Variants in FBXO10 observed in about 807,000 individuals in gnomAD.
The protein encoded by FBXO10 is F-box protein 10, also known as F-box only protein 10.
Under a neutral mutation model 80.7 loss-of-function variants are expected in FBXO10, and 39 were observed. That is an observed-to-expected ratio of 0.48 (90% CI 0.37 to 0.63). The LOEUF (loss-of-function observed/expected upper bound fraction) is 0.63. Among genes scored for constraint, FBXO10 ranks in the 30% least tolerant of loss-of-function variants. FBXO10 has a pLI of 0.00. For missense variants in FBXO10, 1,025 were observed against 1,269.0 expected (o/e 0.81, Z 2.92); for synonymous variants, 449 against 489.6 (o/e 0.92, Z 1.09).
At chr9:37,573,091 T>C (rs920000873) in intron 1 of FBXO10, among the ~76,000 whole-genome samples, 1 of 152,154 alleles carries the variant, frequency 6.6e-6, no homozygotes, top group Non-Finnish European at 1.5e-5. Context: ...TGTTGAAGGC[T>C]GTCATTCCTG....
chr9:37,517,419 G>T (rs1315685381), intron 9 of FBXO10, among the ~76,000 whole-genome samples: 1 of 152,180 alleles, frequency 6.6e-6, no homozygotes, highest in Admixed American at 6.5e-5. Context: ...AACAAGATCT[G>T]TTTGGCTCCA....
intron 5 of FBXO10, 37 bp from the exon 6 acceptor site, chr9:37,525,209 C>T: frequency 1.3e-6 from 2 of 1,539,596 alleles, no homozygotes; most frequent in Non-Finnish European, 1.8e-6. Flanking sequence ...GAGGTGAGCC[C>T]AGGGCATCAA....
At chr9:37,522,749 C>G in intron 7 of FBXO10, 76 bp downstream of exon 7, 4 of 1,500,866 alleles carry the variant, frequency 2.7e-6, no homozygotes, top group Non-Finnish European at 3.6e-6. Flanking sequence ...AGGCAGTGAC[C>G]TTCTCAGGAC....
In FBXO10 at chr9:37,537,507, C is replaced by A. The variant is rs766293251; in HGVS notation, c.1022G>T (p.Gly341Val). Residue 341 changes from glycine (G) to valine (V), a missense_variant, in exon 3 of 11, where the codon GGT becomes GTT. By Grantham distance (109) the Gly-to-Val change is moderately radical. Transcript: ENST00000432825. ...CTGGGCCACCCTTTCACCATCACTA[C>A]CCACCTCTGCCTCCTGTGAGCCAGC... The part of the protein sequence containing the change: ...SKAGSQEAEV[G>V]SDGERVAQTP... The A allele has an allele frequency of 6.2e-7, 1 of 1,611,872 alleles. No homozygotes were observed. Among genetic ancestry groups the A allele is most frequent in the East Asian group, 2.2e-5 (1 of 44,846 alleles).
At chr9:37,523,098 C>T in intron 6 of FBXO10, 121 bp from the exon 7 acceptor site, 1 of 1,051,422 alleles carries the variant, frequency 9.5e-7, no homozygotes, top group Non-Finnish European at 1.4e-6. Context: ...CTTACCCTGC[C>T]AGCAATTAGC....
intron 2 of FBXO10, among the ~76,000 whole-genome samples, chr9:37,540,188 T>A (rs1246599021): frequency 3.3e-5 from 5 of 151,340 alleles, no homozygotes; most frequent in Non-Finnish European, 1.5e-5. Flanking sequence ...ATCATATATA[T>A]ATGATTTTTT....
intron 3 of FBXO10, 57 bp from the exon 4 acceptor site, chr9:37,532,115 C>T: frequency 6.5e-7 from 1 of 1,539,140 alleles, no homozygotes; most frequent in Admixed American, 1.9e-5. Context: ...TTTTAGAAAC[C>T]ACTGGAGGAA....
At chr9:37,520,443 C>T (rs10758437) in intron 8 of FBXO10, among the ~76,000 whole-genome samples, 82,048 of 148,792 alleles carry the variant, frequency 0.55, 24,792 homozygotes, top group Middle Eastern at 0.71. Context: ...CAAGCGATCC[C>T]CCCGCCTCCT....
At chr9:37,513,527 C>A (rs1271502582) in intron 10 of FBXO10, among the ~76,000 whole-genome samples, 2 of 152,108 alleles carry the variant, frequency 1.3e-5, no homozygotes, top group Non-Finnish European at 2.9e-5. Context: ...AGAAGCCAGA[C>A]TCAAAAGACT....
At chr9:37,562,081 TGGAA>T (rs1007450388) in intron 1 of FBXO10, among the ~76,000 whole-genome samples, 4 of 152,186 alleles carry the variant, frequency 2.6e-5, no homozygotes, top group Admixed American at 2.6e-4. Flanking sequence ...TGTGAGGCAC[TGGAA>T]GGAAGGCTGC....
chr9:37,560,104 AAG>A (rs1206407152), intron 1 of FBXO10, among the ~76,000 whole-genome samples: 1 of 152,198 alleles, frequency 6.6e-6, no homozygotes, highest in African/African-American at 2.4e-5. Flanking sequence ...ATGCCAGACT[AAG>A]AAGCTTGTAC....
At chr9:37,526,642 G>T (rs1247653095) in intron 5 of FBXO10, among the ~76,000 whole-genome samples, 1 of 151,878 alleles carries the variant, frequency 6.6e-6, no homozygotes, top group African/African-American at 2.4e-5. Flanking sequence ...GGTTTCACAG[G>T]GCTAAAATCA....
rs1262409689 is a variant in FBXO10, at chr9:37,512,014, T to C, written c.*533A>G. 1 of 152,686 alleles carries C rather than the reference T, an allele frequency of 6.5e-6. No individual in the cohort carries two copies. Among genetic ancestry groups the C allele is most frequent in the Non-Finnish European group, 1.5e-5 (1 of 68,464 alleles). 9.5% of individuals were successfully genotyped at this position (152,686 alleles called of 1,614,324 possible). A position where few individuals can be genotyped will look rare whatever the true frequency, so the allele number is the denominator to read the frequency against. The stretch of plus-strand genomic sequence containing the variant: ...AGGTCCTTCCTTCCTCCCAGGTCCA[T>C]GTCCAAGTCCTCAAGTCAACCAAAC... On this transcript the variant is annotated 3_prime_UTR_variant, in exon 11 of 11. Transcript: ENST00000432825.
At chr9:37,526,008 C>T (rs1358496105) in intron 5 of FBXO10, among the ~76,000 whole-genome samples, 2 of 152,098 alleles carry the variant, frequency 1.3e-5, no homozygotes, top group Non-Finnish European at 2.9e-5. Flanking sequence ...GCATGAGTAA[C>T]TGAGCCCTGG....
chr9:37,546,186 G>C (rs558034874), intron 1 of FBXO10, among the ~76,000 whole-genome samples: 23 of 151,904 alleles, frequency 1.5e-4, no homozygotes, highest in Non-Finnish European at 3.4e-4. Flanking sequence ...GGAAACATAG[G>C]AGGTGAGTGC....
chr9:37,547,970 A>G (rs1424529631), intron 1 of FBXO10, among the ~76,000 whole-genome samples: 1 of 152,070 alleles, frequency 6.6e-6, no homozygotes, highest in African/African-American at 2.4e-5. Flanking sequence ...CAAACACAAT[A>G]CAACGGTGCT....
At chr9:37,517,699 C>T (rs1033320641) in intron 9 of FBXO10, among the ~76,000 whole-genome samples, 1 of 152,132 alleles carries the variant, frequency 6.6e-6, no homozygotes, top group Non-Finnish European at 1.5e-5. Context: ...AGGAGGTATG[C>T]AGGGTATATA....
At chr9:37,575,131 G>C (rs1052403752) in intron 1 of FBXO10, among the ~76,000 whole-genome samples, 2 of 151,896 alleles carry the variant, frequency 1.3e-5, no homozygotes, top group African/African-American at 4.8e-5. Flanking sequence ...TCACCGTACT[G>C]TGTTTTTTTT....
intron 9 of FBXO10, 52 bp from the exon 10 acceptor site, chr9:37,516,137 G>T: frequency 6.4e-7 from 1 of 1,556,890 alleles, no homozygotes; most frequent in South Asian, 1.2e-5. Flanking sequence ...CAGACTGAGT[G>T]GGAGAGCTGG....
Sources: gnomAD v4.1 joint callset for allele counts (sites outside exome capture counted in the v4.1 genomes callset) on GRCh38, gnomAD v4.1.1 for gene constraint, MANE v1.5 for transcripts, NCBI Gene and HGNC (gene_info 2026-07-23, HGNC 2026-07-21) for gene names.